MYOM1: variants seen among roughly 807,000 people sequenced by gnomAD.
MYOM1 encodes the protein myomesin 1.
Under a neutral mutation model 205.3 loss-of-function variants are expected in MYOM1, and 164 were observed. The observed-to-expected ratio is 0.80, with a 90% CI of 0.70 to 0.91. MYOM1 has a LOEUF of 0.91. Among genes scored for constraint, MYOM1 ranks in the 40% least tolerant of loss-of-function variants. MYOM1 has a pLI of 0.00. For synonymous variants in MYOM1, 772 were observed against 789.4 expected, an observed-to-expected ratio of 0.98 and a Z score of 0.37; for missense variants, 2,011 against 2,127.3, an observed-to-expected ratio of 0.95 and a Z score of 1.08.
At chr18:3,185,086 C>T (rs377284908) in intron 5 of MYOM1, among the ~76,000 whole-genome samples, 5 of 152,174 alleles carry the variant, frequency 3.3e-5, no homozygotes, top group Admixed American at 6.5e-5. Context: ...CCTATTTTTC[C>T]GGAGAGTTTC....
upstream of MYOM1, chr18:3,219,982 C>T (rs1486289989): frequency 6.6e-6 from 1 of 152,200 alleles, no homozygotes; most frequent in African/African-American, 2.4e-5. The surrounding 1 kb of genome is among the most constrained non-coding windows in gnomAD (Gnocchi z 4.4). Context: ...TGTCAGGCCA[C>T]ACAACCAGCC....
At chr18:3,107,532 T>C (rs1005829113) in intron 22 of MYOM1, among the ~76,000 whole-genome samples, 10 of 152,234 alleles carry the variant, frequency 6.6e-5, no homozygotes, top group East Asian at 3.8e-4. Context: ...AAATGTCTTA[T>C]ATTTCCCCTA....
the MYOM1 span, among the ~76,000 whole-genome samples, chr18:3,238,671 T>C: frequency 6.6e-6 from 1 of 152,304 alleles, no homozygotes; most frequent in East Asian, 1.9e-4. Context: ...ACAACACAAC[T>C]TAGTCATCTT....
At position 3,135,051 on chromosome 18, in the gene MYOM1, CA is replaced by C. The variant is rs1183978957; in HGVS notation, c.2210-228del. On this transcript the variant is annotated intron_variant, in intron 15 of 37. Transcript: ENST00000356443. The surrounding 1 kb of genome is among the most constrained non-coding windows in gnomAD (Gnocchi z 4.1). ...GCAGCCCCCACCTCCTGGGTTCAGG[CA>C]ATTTTCCCACCTCAGCCTCCTGAGT... 6.7e-5 allele frequency: 31 copies of C among 459,514 alleles called. 1 individual carries two copies. The highest frequency in any genetic ancestry group is 5.7e-4 in the African/African-American group (29 of 50,508). 28.5% of individuals were successfully genotyped at this position (459,514 alleles called of 1,614,324 possible).
chr18:3,135,895 G>A lies in MYOM1; in HGVS notation c.2026-165C>T, dbSNP rs896175917. Among the ~76,000 whole-genome samples, 17 of 152,114 alleles carry A rather than the reference G, an allele frequency of 1.1e-4. No homozygotes were observed. The highest frequency in any genetic ancestry group is 3.4e-4 in the African/African-American group (14 of 41,404). The stretch of plus-strand genomic sequence containing the variant: ...ATAGGGGATGAGGCATCTGAAGTTC[G>A]TAGGATTCTCTAAATCAAACTTGGC... On this transcript the variant is annotated intron_variant, in intron 14 of 37. Transcript: ENST00000356443. This position sits in a 1 kb window ranked among gnomAD's most constrained non-coding sequence, Gnocchi z 4.1.
chr18:3,218,231 C>G (rs571141449), intron 1 of MYOM1, among the ~76,000 whole-genome samples: 1 of 152,184 alleles, frequency 6.6e-6, no homozygotes, highest in East Asian at 1.9e-4. Context: ...AAAAGCTCCA[C>G]CCCCAAGTGT....
At chr18:3,085,488 A>G (rs1015407402) in intron 30 of MYOM1, among the ~76,000 whole-genome samples, 4 of 152,056 alleles carry the variant, frequency 2.6e-5, no homozygotes, top group African/African-American at 7.2e-5. Context: ...CTAACTTGTG[A>G]GTGGTGAACC....
chr18:3,135,514 C>G lies in MYOM1; in HGVS notation c.2209+33G>C. On this transcript the variant is annotated intron_variant, in intron 15 of 37. Coordinates refer to ENST00000356443, the MANE Select transcript of MYOM1 (RefSeq NM_003803.4). The surrounding 1 kb of genome is among the most constrained non-coding windows in gnomAD (Gnocchi z 4.1). ...TACTAGATCCTTGCTTTGAAATTTTCTCTTGAAGTAAAAGAAGTTTACAGT... is the reference window on the plus strand; with the variant it reads ...TACTAGATCCTTGCTTTGAAATTTTGTCTTGAAGTAAAAGAAGTTTACAGT... The G allele has an allele frequency of 6.3e-7, 1 of 1,593,316 alleles. No homozygotes were observed. The highest frequency in any genetic ancestry group is 8.6e-7 in the Non-Finnish European group (1 of 1,167,804).
chr18:3,141,968 G>C lies in MYOM1; in HGVS notation c.1996C>G (p.His666Asp). 6.2e-7 allele frequency: 1 copy of C among 1,613,838 alleles called. No homozygotes were observed. Among genetic ancestry groups the C allele is most frequent in the Non-Finnish European group, 8.5e-7 (1 of 1,179,846 alleles). ...LSWKPPGQRGHEGIMYFVEKC... is the reference protein window; with the variant it reads ...LSWKPPGQRGDEGIMYFVEKC... ...TCCACAAAGTACATAATGCCCTCAT[G>C]ACCACGCTGGCCAGGGGGCTTCCAG... is the stretch of plus-strand genomic sequence containing the variant. Residue 666 changes from histidine to aspartate, a missense_variant, in exon 14 of 38, where the codon CAT becomes GAT. His to Asp is a moderately conservative substitution (Grantham distance 81, BLOSUM62 -1). Transcript: ENST00000356443.
intron 1 of MYOM1, among the ~76,000 whole-genome samples, chr18:3,215,699 C>G (rs1380914264): frequency 6.6e-6 from 1 of 152,088 alleles, no homozygotes; most frequent in Non-Finnish European, 1.5e-5. Context: ...AAAAACTCTC[C>G]ACTTCATAGC....
rs2080700466 is a variant in MYOM1 at position 3,179,642 on chromosome 18, A to G, written c.930-3508T>C. On this transcript the variant is annotated intron_variant, in intron 5 of 37. Transcript: ENST00000356443. This position sits in a 1 kb window ranked among gnomAD's most constrained non-coding sequence, Gnocchi z 4.4. ...TGCTATTTCCTGCCAGCAGCTTCAG[A>G]CAGCTGTCTCAACATGGCTCGAGCA... 6.6e-6 allele frequency among the ~76,000 whole-genome samples: 1 copy of G among 152,190 alleles called. No homozygotes were observed. Among genetic ancestry groups the G allele is most frequent in the Non-Finnish European group, 1.5e-5 (1 of 68,042 alleles).
At chr18:3,147,692 C>T (rs1028345562) in intron 13 of MYOM1, among the ~76,000 whole-genome samples, 3 of 152,102 alleles carry the variant, frequency 2.0e-5, no homozygotes, top group Admixed American at 6.6e-5. Context: ...AATTGATCCA[C>T]ACATATGTAA....
At chr18:3,080,045 A>G (rs2079066613) in intron 33 of MYOM1, among the ~76,000 whole-genome samples, 1 of 152,222 alleles carries the variant, frequency 6.6e-6, no homozygotes, top group Non-Finnish European at 1.5e-5. Flanking sequence ...TACTACAGAT[A>G]TAGACGAACT....
At chr18:3,111,698 C>T (rs1010264762) in intron 22 of MYOM1, among the ~76,000 whole-genome samples, 6 of 152,002 alleles carry the variant, frequency 3.9e-5, no homozygotes, top group Non-Finnish European at 5.9e-5. Flanking sequence ...ATATAATGTG[C>T]ATGATAAAGT....
At chr18:3,141,240 C>T (rs562632257) in intron 14 of MYOM1, among the ~76,000 whole-genome samples, 1 of 152,162 alleles carries the variant, frequency 6.6e-6, no homozygotes, top group Non-Finnish European at 1.5e-5. Flanking sequence ...GGCATAAATC[C>T]TTATCAGAAC....
chr18:3,173,464 C>T (rs1469421664), intron 8 of MYOM1, among the ~76,000 whole-genome samples: 2 of 152,056 alleles, frequency 1.3e-5, no homozygotes, highest in African/African-American at 2.4e-5. Flanking sequence ...CTAACCCTGA[C>T]TGGGTAGGGT....
intron 2 of MYOM1, among the ~76,000 whole-genome samples, chr18:3,201,220 G>T (rs2081062665): frequency 1.3e-5 from 2 of 152,026 alleles, no homozygotes; most frequent in Non-Finnish European, 2.9e-5. Flanking sequence ...CCAACATGGT[G>T]GAACCCTGCC....
chr18:3,093,015 C>G (rs986517053), intron 26 of MYOM1, among the ~76,000 whole-genome samples: 2 of 152,094 alleles, frequency 1.3e-5, no homozygotes, highest in Non-Finnish European at 1.5e-5. Flanking sequence ...AGGTGGTGAT[C>G]ACAGCAGTCG....
chr18:3,208,734 T>C (rs1168358016), intron 2 of MYOM1, among the ~76,000 whole-genome samples: 1 of 152,098 alleles, frequency 6.6e-6, no homozygotes, highest in Non-Finnish European at 1.5e-5. Flanking sequence ...TATATAATAA[T>C]TAAAATTTTA....
Sources: gnomAD v4.1 joint callset for allele counts (sites outside exome capture counted in the v4.1 genomes callset) on GRCh38, gnomAD v4.1.1 for gene constraint, Gnocchi (gnomAD v3.1) non-coding constraint, MANE v1.5 for transcripts, NCBI Gene and HGNC (gene_info 2026-07-23, HGNC 2026-07-21) for gene names.